SLCO1A2: variants seen among roughly 807,000 people sequenced by gnomAD.
SLCO1A2 encodes solute carrier organic anion transporter family member 1A2, also known as OATP-1.
Under a neutral mutation model 69.0 loss-of-function variants are expected in SLCO1A2, and 67 were observed. The ratio of observed to expected loss-of-function variants is 0.97; its 90% confidence interval spans 0.80 to 1.19. The LOEUF (loss-of-function observed/expected upper bound fraction) is 1.19. Among genes scored for constraint, SLCO1A2 ranks in the 50% most tolerant of loss-of-function variants. The pLI, the probability that SLCO1A2 is intolerant of heterozygous loss-of-function variation, is 0.00. For missense variants in SLCO1A2, 787 were observed against 793.7 expected (o/e 0.99, Z 0.10); for synonymous variants, 260 against 265.9 (o/e 0.98, Z 0.22).
chr12:21,363,335 C>A (rs1939087791), intron 2 of SLCO1A2, among the ~76,000 whole-genome samples: 1 of 152,140 alleles, frequency 6.6e-6, no homozygotes, highest in South Asian at 2.1e-4. Context: ...TAAAGATGTT[C>A]TTTGAAACGA....
intron 2 of SLCO1A2, among the ~76,000 whole-genome samples, chr12:21,342,112 T>G (rs992756907): frequency 5.9e-5 from 9 of 152,026 alleles, no homozygotes; most frequent in Non-Finnish European, 1.2e-4. Context: ...TAATGGACCA[T>G]GGCTAAAGGC....
chr12:21,411,558 T>A (rs1380677017), intron 1 of SLCO1A2, among the ~76,000 whole-genome samples: 1 of 152,186 alleles, frequency 6.6e-6, no homozygotes, highest in African/African-American at 2.4e-5. Flanking sequence ...CTCACAGACT[T>A]CCCTTTAGAA....
intron 2 of SLCO1A2, among the ~76,000 whole-genome samples, chr12:21,368,338 A>G (rs1273136062): frequency 6.6e-6 from 1 of 152,190 alleles, no homozygotes; most frequent in Non-Finnish European, 1.5e-5. Flanking sequence ...GGGAAATTCT[A>G]CACAACAAAT....
intron 2 of SLCO1A2, among the ~76,000 whole-genome samples, chr12:21,367,727 G>A (rs113575103): frequency 8.6e-5 from 13 of 151,888 alleles, no homozygotes; most frequent in Non-Finnish European, 2.9e-5. Context: ...AATTAATAAA[G>A]CTATCAAAGT....
In SLCO1A2 at chr12:21,269,459, A is replaced by C; in HGVS notation, c.*89T>G. ...TTTTAGGTTCTTAAAGACAAGAAAAAGTTATCTATTATATCTCTACTGATT... is the reference window on the plus strand; with the variant it reads ...TTTTAGGTTCTTAAAGACAAGAAAACGTTATCTATTATATCTCTACTGATT... On this transcript the variant is annotated 3_prime_UTR_variant, in exon 15 of 15. Transcript: ENST00000683939. The C allele has an allele frequency of 1.1e-6, 1 of 901,478 alleles. No homozygotes were observed. The highest frequency in any genetic ancestry group is 2.0e-5 in the South Asian group (1 of 50,450). The allele number at this position is 901,478 out of a possible 1,614,324, so 55.8% of individuals were successfully genotyped here.
At chr12:21,269,836 T>C in intron 14 of SLCO1A2, 69 bp from the exon 15 acceptor site, 1 of 1,214,176 alleles carries the variant, frequency 8.2e-7, no homozygotes, top group Non-Finnish European at 1.1e-6. Context: ...AATTTGTATA[T>C]CTTTGTATTT....
intron 1 of SLCO1A2, among the ~76,000 whole-genome samples, chr12:21,380,436 G>T (rs960122617): frequency 1.3e-5 from 2 of 152,106 alleles, no homozygotes; most frequent in African/African-American, 2.4e-5. Flanking sequence ...TAACACAAAG[G>T]TTATTATATG....
intron 2 of SLCO1A2, among the ~76,000 whole-genome samples, chr12:21,353,795 T>C (rs1233266368): frequency 6.6e-6 from 1 of 152,212 alleles, no homozygotes; most frequent in Non-Finnish European, 1.5e-5. Context: ...GGCTAATGGC[T>C]ATTCTCAAGT....
Position 21,306,900 on chromosome 12 carries a change from G to T in SLCO1A2, c.424C>A (p.Pro142Thr), listed in dbSNP as rs746975268. 2 of 1,613,380 alleles carry T rather than the reference G, an allele frequency of 1.2e-6. No homozygotes were observed. Among genetic ancestry groups the T allele is most frequent in the Middle Eastern group, 1.7e-4 (1 of 6,058 alleles). ...CMENGTQILR[P>T]TQDPSECTKE... ...AGACAACCTGATGGATCCTGCGTTG[G>T]TCTTAAAATCTGGGTTCCATTTTCC... The change falls in exon 5 of 15, where the codon CCA becomes ACA. Residue 142 changes from proline to threonine, a missense_variant. Coordinates refer to ENST00000683939, the MANE Select transcript of SLCO1A2 (RefSeq NM_001386879.1).
At chr12:21,397,543 C>G (rs369835633), upstream of SLCO1A2, among the ~76,000 whole-genome samples, 1 of 152,014 alleles carries the variant, frequency 6.6e-6, no homozygotes, top group Non-Finnish European at 1.5e-5. Flanking sequence ...TCTACAGAAC[C>G]CTCCACCCCA....
At chr12:21,271,846 A>G (rs994717656) in intron 14 of SLCO1A2, among the ~76,000 whole-genome samples, 24 of 148,586 alleles carry the variant, frequency 1.6e-4, no homozygotes, top group Non-Finnish European at 3.0e-4. Context: ...ACATATTTAT[A>G]TACATATATT....
At chr12:21,365,131 A>T (rs994748748) in intron 2 of SLCO1A2, among the ~76,000 whole-genome samples, 43 of 152,308 alleles carry the variant, frequency 2.8e-4, no homozygotes, top group African/African-American at 1.0e-3. Flanking sequence ...GCATCACACT[A>T]CCTGACTTCA....
Position 21,300,554 on chromosome 12 carries a change from G to A in SLCO1A2, c.704C>T (p.Thr235Ile), listed in dbSNP as rs1355948008. The A allele has an allele frequency of 5.6e-6, 9 of 1,609,722 alleles. No individual in the cohort carries two copies. Among genetic ancestry groups the A allele is most frequent in the Non-Finnish European group, 7.6e-6 (9 of 1,177,922 alleles). The change falls in exon 8 of 15, where the codon ACT (threonine) becomes ATT (isoleucine). Residue 235 changes from threonine (T) to isoleucine (I), a missense_variant. Thr to Ile is a moderately conservative substitution (Grantham distance 89, BLOSUM62 -1). Coordinates refer to ENST00000683939, the MANE Select transcript of SLCO1A2 (RefSeq NM_001386879.1). Reference protein sequence around the residue: ...GFVNTDDLIITPTDTRWVGAW... With the variant: ...GFVNTDDLIIIPTDTRWVGAW... The stretch of plus-strand genomic sequence containing the variant: ...ACCGACCCAACGAGTGTCAGTGGGA[G>A]TTATGATCAGATCATCTGTAAAAAA...
intron 1 of SLCO1A2, chr12:21,378,139 T>C: frequency 9.0e-7 from 1 of 1,110,734 alleles, no homozygotes; most frequent in Non-Finnish European, 1.3e-6. Flanking sequence ...GAAAATTGTT[T>C]CTTTGGTTTT....
At chr12:21,360,247 C>T (rs1160966936) in intron 2 of SLCO1A2, among the ~76,000 whole-genome samples, 1 of 152,170 alleles carries the variant, frequency 6.6e-6, no homozygotes, top group Non-Finnish European at 1.5e-5. Flanking sequence ...GTGATGGTTT[C>T]AGGAGTGTGT....
At chr12:21,361,784 A>G (rs1427886165) in intron 2 of SLCO1A2, among the ~76,000 whole-genome samples, 3 of 152,206 alleles carry the variant, frequency 2.0e-5, no homozygotes, top group African/African-American at 7.2e-5. Context: ...CAAATAGAAG[A>G]AAGGGTATCA....
chr12:21,396,638 CT>C (rs1171830304), upstream of SLCO1A2, among the ~76,000 whole-genome samples: 1 of 152,042 alleles, frequency 6.6e-6, no homozygotes, highest in Non-Finnish European at 1.5e-5. Context: ...TCGGGTTACC[CT>C]CAAAGGGAAG....
intron 2 of SLCO1A2, among the ~76,000 whole-genome samples, chr12:21,348,683 T>G (rs1185045901): frequency 6.6e-6 from 1 of 152,212 alleles, no homozygotes; most frequent in Non-Finnish European, 1.5e-5. Context: ...CTTTGAGCCA[T>G]TTATCAACCA....
chr12:21,359,892 G>A (rs944659488), intron 2 of SLCO1A2, among the ~76,000 whole-genome samples: 5 of 152,000 alleles, frequency 3.3e-5, no homozygotes, highest in African/African-American at 4.8e-5. Context: ...GAAACAACCC[G>A]AAGTCCATTA....
Sources: allele counts gnomAD v4.1 joint callset (sites outside exome capture counted in the v4.1 genomes callset), GRCh38; gene constraint gnomAD v4.1.1; transcripts MANE v1.5; gene names NCBI Gene and HGNC (gene_info 2026-07-23, HGNC 2026-07-21).